DOCK11: variants seen among roughly 807,000 people sequenced by gnomAD.
DOCK11 encodes dedicator of cytokinesis 11.
In DOCK11, 70 loss-of-function variants were observed where a neutral mutation model predicts 169.1. That is an observed-to-expected ratio of 0.41 (90% CI 0.34 to 0.51). DOCK11 has a LOEUF of 0.51. Among genes scored for constraint, DOCK11 ranks in the 20% least tolerant of loss-of-function variants. The pLI is 0.10. For missense variants in DOCK11, 1,166 were observed against 1,538.8 expected (o/e 0.76, Z 4.05); for synonymous variants, 529 against 541.3 (o/e 0.98, Z 0.32).
Position 118,636,337 on chromosome X carries a change from C to T in DOCK11, c.3887-9C>T. On this transcript the variant is annotated splice_polypyrimidine_tract_variant and intron_variant, in intron 35 of 52. Coordinates refer to ENST00000276202, the MANE Select transcript of DOCK11 (RefSeq NM_144658.4). ...TCAAGATCTAACACTTTATTTATTCCATTTTCAGATACTCTCTTAACTTAC... is the reference window on the plus strand; with the variant it reads ...TCAAGATCTAACACTTTATTTATTCTATTTTCAGATACTCTCTTAACTTAC... 1 of 1,068,904 alleles carries T rather than the reference C, an allele frequency of 9.4e-7. No homozygotes were observed. 88.1% of individuals were successfully genotyped at this position (1,068,904 alleles called of 1,213,427 possible). A position where few individuals can be genotyped will look rare whatever the true frequency, so the allele number is the denominator to read the frequency against.
At chrX:118,577,616 G>A (rs1412265281) in intron 12 of DOCK11, among the ~76,000 whole-genome samples, 4 of 111,506 alleles carry the variant, frequency 3.6e-5, no homozygotes, top group Non-Finnish European at 7.5e-5. Flanking sequence ...CCATTACGCA[G>A]GATCCTTATA....
chrX:118,596,669 T>C (rs972736540), intron 20 of DOCK11, among the ~76,000 whole-genome samples: 1 of 112,248 alleles, frequency 8.9e-6, no homozygotes, highest in African/African-American at 3.2e-5. Flanking sequence ...CACAGATGGC[T>C]CTGGCTTTTT....
At chrX:118,559,372 T>C (rs1320301085) in intron 6 of DOCK11, among the ~76,000 whole-genome samples, 2 of 112,507 alleles carry the variant, frequency 1.8e-5, no homozygotes, top group African/African-American at 3.2e-5. Context: ...ATTTCAGTTT[T>C]AGATTTGAAC....
At chrX:118,649,208 C>A in intron 41 of DOCK11, 81 bp downstream of exon 41, 1 of 840,987 alleles carries the variant, frequency 1.2e-6, no homozygotes, top group Admixed American at 3.4e-5. Flanking sequence ...GCCACCCAAT[C>A]CAGTCCAATA....
intron 45 of DOCK11, among the ~76,000 whole-genome samples, chrX:118,663,440 A>C (rs2016265971): frequency 9.0e-6 from 1 of 111,524 alleles, no homozygotes; most frequent in Non-Finnish European, 1.9e-5. Context: ...ATGATCAGAG[A>C]GGGATTGGAA....
At chrX:118,680,925 A>T in intron 49 of DOCK11, 133 bp from the exon 50 acceptor site, 1 of 613,749 alleles carries the variant, frequency 1.6e-6, no homozygotes, top group Non-Finnish European at 2.5e-6. Context: ...ATCCTGAAGT[A>T]CTATATGGGA....
chrX:118,600,236 G>T (rs949502863), intron 23 of DOCK11, among the ~76,000 whole-genome samples: 1 of 110,026 alleles, frequency 9.1e-6, no homozygotes, highest in Non-Finnish European at 1.9e-5. Flanking sequence ...GCGAAACCCC[G>T]TCTCTACTAA....
intron 1 of DOCK11, among the ~76,000 whole-genome samples, chrX:118,521,435 A>C (rs187408915): frequency 2.7e-5 from 3 of 112,678 alleles, no homozygotes; most frequent in Non-Finnish European, 5.6e-5. Flanking sequence ...AAGGGGGAAC[A>C]TGAACCATTA....
At chrX:118,677,395 A>T (rs1441265968) in intron 48 of DOCK11, among the ~76,000 whole-genome samples, 2 of 112,012 alleles carry the variant, frequency 1.8e-5, no homozygotes, top group African/African-American at 6.5e-5. Flanking sequence ...TATAGACAGG[A>T]TTTGGGGGAA....
chrX:118,616,647 C>A (rs1448552947), intron 30 of DOCK11, among the ~76,000 whole-genome samples: 1 of 110,014 alleles, frequency 9.1e-6, no homozygotes, highest in Non-Finnish European at 1.9e-5. Context: ...GATGAAACCA[C>A]CTGATTGGAT....
chrX:118,643,227 G>GA (rs760664886), intron 39 of DOCK11, among the ~76,000 whole-genome samples: 1 of 110,965 alleles, frequency 9.0e-6, no homozygotes, highest in Non-Finnish European at 1.9e-5. Flanking sequence ...GTGTTGCATT[G>GA]AAAAAAAATC....
chrX:118,533,285 C>T (rs929160622), intron 1 of DOCK11, among the ~76,000 whole-genome samples: 1 of 111,959 alleles, frequency 8.9e-6, no homozygotes, highest in East Asian at 2.8e-4. Flanking sequence ...AGACACCACG[C>T]CTGGCCTTAC....
At chrX:118,601,305 T>C (rs1231266989) in intron 23 of DOCK11, among the ~76,000 whole-genome samples, 1 of 108,857 alleles carries the variant, frequency 9.2e-6, no homozygotes. Context: ...ACACCTGTAA[T>C]CTCAGCTACT....
intron 1 of DOCK11, among the ~76,000 whole-genome samples, chrX:118,540,977 A>C (rs778737508): frequency 4.5e-5 from 5 of 111,980 alleles, no homozygotes; most frequent in African/African-American, 1.6e-4. Context: ...GTGTTGAGAC[A>C]TGGCTCTGGT....
intron 29 of DOCK11, among the ~76,000 whole-genome samples, chrX:118,615,073 A>G (rs976151775): frequency 4.5e-5 from 5 of 111,981 alleles, no homozygotes; most frequent in Admixed American, 2.8e-4. Flanking sequence ...AAGACATCAA[A>G]TGGGGTGGGT....
At chrX:118,613,655 T>C (rs2014738822) in intron 28 of DOCK11, among the ~76,000 whole-genome samples, 1 of 112,390 alleles carries the variant, frequency 8.9e-6, no homozygotes, top group Non-Finnish European at 1.9e-5. Context: ...GAGGTGGGAA[T>C]ACACAGTGCA....
chrX:118,549,106 C>CTGTGTGTGTGTGTGTG (rs57680469), intron 6 of DOCK11, among the ~76,000 whole-genome samples: 74 of 99,116 alleles, frequency 7.5e-4, no homozygotes, highest in African/African-American at 1.5e-3. Flanking sequence ...TGCTCATATT[C>CTGTGTGTGTGTGTGTG]TGTGTGTGTG....
chrX:118,626,777 G>A (rs938554432), intron 32 of DOCK11, among the ~76,000 whole-genome samples: 1 of 112,370 alleles, frequency 8.9e-6, no homozygotes, highest in Admixed American at 9.4e-5. Flanking sequence ...TACAAATACA[G>A]TATCTCATGC....
intron 32 of DOCK11, among the ~76,000 whole-genome samples, chrX:118,625,906 A>T (rs907012898): frequency 9.0e-6 from 1 of 110,933 alleles, no homozygotes; most frequent in Non-Finnish European, 1.9e-5. Context: ...CTCACATTAG[A>T]CCTAAAAGGT....
Sources: allele counts gnomAD v4.1 joint callset (sites outside exome capture counted in the v4.1 genomes callset), GRCh38; gene constraint gnomAD v4.1.1; transcripts MANE v1.5; gene names NCBI Gene and HGNC (gene_info 2026-07-23, HGNC 2026-07-21).